PRRC2B: variants seen among roughly 807,000 people sequenced by gnomAD.
PRRC2B encodes protein PRRC2B.
A neutral mutation model predicts 242.3 loss-of-function variants in PRRC2B; 68 were observed. The observed-to-expected ratio is 0.28, with a 90% CI of 0.23 to 0.34. PRRC2B has a LOEUF of 0.34. Among genes scored for constraint, PRRC2B ranks in the 10% least tolerant of loss-of-function variants. PRRC2B has a pLI of 1.00. For missense variants in PRRC2B, 2,835 were observed against 2,954.8 expected (o/e 0.96, Z 0.94); for synonymous variants, 1,228 against 1,173.6 (o/e 1.05, Z -0.95).
intron 30 of PRRC2B, among the ~76,000 whole-genome samples, chr9:131,493,398 A>C (rs1027203037): frequency 6.6e-6 from 1 of 152,228 alleles, no homozygotes; most frequent in Non-Finnish European, 1.5e-5. Context: ...GCGGAACTGG[A>C]AGGAGGAAGG....
At position 131,447,764 on chromosome 9, in the gene PRRC2B, C is replaced by T. The variant is rs776636078; in HGVS notation, c.1080C>T (p.Gly360=). 6.2e-7 allele frequency: 1 copy of T among 1,613,706 alleles called. No individual in the cohort carries two copies. Among genetic ancestry groups the T allele is most frequent in the South Asian group, 1.1e-5 (1 of 91,058 alleles). ...PTIINAENLK[G]LDDLDADADD... is the part of the protein sequence containing the mutation. ...TTATCAATGCGGAAAACCTGAAGGG[C>T]CTTGACGATCTGGACGCCGATGCCG... The change falls in exon 9 of 32, where the codon GGC becomes GGT. Residue 360 remains glycine, a synonymous_variant. Coordinates refer to ENST00000683519, the MANE Select transcript of PRRC2B (RefSeq NM_013318.4).
intron 2 of PRRC2B, 50 bp downstream of exon 2, chr9:131,430,309 T>C: frequency 8.4e-7 from 1 of 1,184,368 alleles, no homozygotes; most frequent in South Asian, 1.3e-5. Context: ...CCGAGTGACA[T>C]ATCCCAGAAA....
At chr9:131,381,202 G>A (rs754189429) in intron 1 of PRRC2B, among the ~76,000 whole-genome samples, 11 of 152,124 alleles carry the variant, frequency 7.2e-5, no homozygotes, top group South Asian at 2.1e-4. Context: ...ATTCTCAAGC[G>A]GTTGAGCAGG....
At chr9:131,442,133 T>G (rs915570287) in intron 5 of PRRC2B, among the ~76,000 whole-genome samples, 1 of 152,022 alleles carries the variant, frequency 6.6e-6, no homozygotes, top group African/African-American at 2.4e-5. Context: ...TTTTTTTGTT[T>G]GTTTGTTTGT....
Position 131,478,633 on chromosome 9 carries a change from G to C in PRRC2B, c.4758+14G>C. On this transcript the variant is annotated intron_variant, in intron 18 of 31. Coordinates refer to ENST00000683519, the MANE Select transcript of PRRC2B (RefSeq NM_013318.4). Reference sequence around the variant, plus strand: ...CAGGCCGTGCAGGTGAGGGGCGGAGGGTGGGGGGGCATGGGGCTGGAGGGC... The same window carrying C: ...CAGGCCGTGCAGGTGAGGGGCGGAGCGTGGGGGGGCATGGGGCTGGAGGGC... 6.6e-7 allele frequency: 1 copy of C among 1,518,552 alleles called. No homozygotes were observed. Among genetic ancestry groups the C allele is most frequent in the Non-Finnish European group, 9.1e-7 (1 of 1,101,932 alleles). The allele number at this position is 1,518,552 out of a possible 1,614,324, so 94.1% of individuals were successfully genotyped here.
intron 26 of PRRC2B, chr9:131,486,385 CTGCT>C: frequency 1.6e-6 from 1 of 630,356 alleles, no homozygotes; most frequent in Non-Finnish European, 2.0e-6. Flanking sequence ...GTGGAGTTGG[CTGCT>C]CCAGACTCTG....
upstream of PRRC2B, among the ~76,000 whole-genome samples, chr9:131,392,103 CTTTTT>C (rs937351420): frequency 3.6e-5 from 5 of 139,174 alleles, no homozygotes; most frequent in African/African-American, 1.3e-4. Context: ...TATTTTCTTT[CTTTTT>C]TTTTTTTTGA....
chr9:131,454,953 T>A (rs147820572), intron 9 of PRRC2B, 123 bp from the exon 10 acceptor site: 31 of 642,652 alleles, frequency 4.8e-5, no homozygotes, highest in South Asian at 6.6e-5. Flanking sequence ...CAAACTCCTG[T>A]CCTCATGATC....
chr9:131,478,356 A>C, intron 17 of PRRC2B, 118 bp from the exon 18 acceptor site: 1 of 994,184 alleles, frequency 1.0e-6, no homozygotes, highest in Admixed American at 2.1e-5. Flanking sequence ...AAAAGTGCGG[A>C]AGTCCTGTCC....
chr9:131,463,628 C>CTTTTTTTTTTTTTTTTTTTTTTTTT (rs374951504), intron 11 of PRRC2B, among the ~76,000 whole-genome samples: 1 of 125,780 alleles, frequency 8.0e-6, no homozygotes, highest in Non-Finnish European at 1.6e-5. Flanking sequence ...TTTAGGCATG[C>CTTTTTTTTTTTTTTTTTTTTTTTTT]TTTTTTTTTT....
intron 1 of PRRC2B, among the ~76,000 whole-genome samples, chr9:131,428,909 C>G (rs944131690): frequency 6.6e-6 from 1 of 152,178 alleles, no homozygotes; most frequent in South Asian, 2.1e-4. Context: ...AGCTCTTAGT[C>G]CTCAGTGCCT....
intron 19 of PRRC2B, among the ~76,000 whole-genome samples, chr9:131,480,282 T>A (rs1943820438): frequency 6.6e-6 from 1 of 152,220 alleles, no homozygotes; most frequent in African/African-American, 2.4e-5. Context: ...ATGTGCTCGG[T>A]GAAAACTTTG....
At chr9:131,381,028 G>T (rs1306076067) in intron 1 of PRRC2B, among the ~76,000 whole-genome samples, 1 of 151,940 alleles carries the variant, frequency 6.6e-6, no homozygotes, top group Non-Finnish European at 1.5e-5. Context: ...ATTTCTCCAG[G>T]GCCTACACTT....
At position 131,447,230 on chromosome 9, in the gene PRRC2B, C is replaced by T. The variant is rs45531837; in HGVS notation, c.977+24C>T. On this transcript the variant is annotated intron_variant, in intron 8 of 31. Transcript: ENST00000683519. Reference sequence around the variant, plus strand: ...GGGTGAGTCCATTGCATTACAGTCACGTGTGTAGAGATGAGTGCGGTGGTG... The same window carrying T: ...GGGTGAGTCCATTGCATTACAGTCATGTGTGTAGAGATGAGTGCGGTGGTG... 3.6e-3 allele frequency: 5,774 copies of T among 1,613,594 alleles called. 12 individuals carry two copies. The highest frequency in any genetic ancestry group is 4.5e-3 in the Non-Finnish European group (5,330 of 1,179,708).
intron 1 of PRRC2B, among the ~76,000 whole-genome samples, chr9:131,387,293 G>C (rs1208390147): frequency 6.7e-6 from 1 of 150,000 alleles, no homozygotes; most frequent in South Asian, 2.1e-4. Flanking sequence ...GAGCCACCGC[G>C]CCCGGCCACC....
chr9:131,428,672 T>A (rs997117405), intron 1 of PRRC2B, among the ~76,000 whole-genome samples: 1 of 151,838 alleles, frequency 6.6e-6, no homozygotes. Context: ...GTTGGGATTA[T>A]AGGTGTGAAC....
intron 23 of PRRC2B, among the ~76,000 whole-genome samples, chr9:131,483,943 C>T (rs376920823): frequency 3.9e-5 from 6 of 152,370 alleles, no homozygotes; most frequent in South Asian, 2.1e-4. Context: ...GCTCTGTCCT[C>T]ACCACCTGCA....
rs372778852 is a variant in PRRC2B, at chr9:131,425,520, G to A, written c.-51-4574G>A. On this transcript the variant is annotated intron_variant, in intron 1 of 31. Transcript: ENST00000683519. Reference sequence around the variant, plus strand: ...TTGTTGTTTTTTGAGATGGAGTTTCGCTCTGTCACCCAGGCTGGCGTGCAG... The same window carrying A: ...TTGTTGTTTTTTGAGATGGAGTTTCACTCTGTCACCCAGGCTGGCGTGCAG... 2.6e-4 allele frequency among the ~76,000 whole-genome samples: 39 copies of A among 151,688 alleles called. No homozygotes were observed. In the East Asian group the frequency reaches 5.0e-3, roughly 19 times the overall value.
At position 131,494,367 on chromosome 9, in the gene PRRC2B, C is replaced by G; in HGVS notation, c.6474-38C>G. On this transcript the variant is annotated intron_variant, in intron 30 of 31. Coordinates refer to ENST00000683519, the MANE Select transcript of PRRC2B (RefSeq NM_013318.4). The surrounding 1 kb of genome is among the most constrained non-coding windows in gnomAD (Gnocchi z 4.3). ...CTTTGACTCCATTTCTGTGGTGACA[C>G]GTTGTGTATTCTCAACCCCTGCCTT... 9.2e-7 allele frequency: 1 copy of G among 1,090,114 alleles called. No homozygotes were observed. The highest frequency in any genetic ancestry group is 1.4e-5 in the South Asian group (1 of 73,622). 67.5% of individuals were successfully genotyped at this position (1,090,114 alleles called of 1,614,324 possible).
Sources: allele counts gnomAD v4.1 joint callset (sites outside exome capture counted in the v4.1 genomes callset), GRCh38; gene constraint gnomAD v4.1.1; non-coding constraint Gnocchi (gnomAD v3.1); transcripts MANE v1.5; gene names NCBI Gene and HGNC (gene_info 2026-07-23, HGNC 2026-07-21).